The following EXT1 variants were observed in gnomAD, a reference collection of about 807,000 sequenced individuals.
The protein encoded by EXT1 is exostosin glycosyltransferase 1.
Under a neutral mutation model 82.5 loss-of-function variants are expected in EXT1, and 20 were observed. The observed-to-expected ratio is 0.24, with a 90% CI of 0.17 to 0.35. The LOEUF is 0.35. Ranked by LOEUF, EXT1 falls within the 10% of genes least tolerant of loss-of-function variation. The probability of loss-of-function intolerance (pLI) is 1.00; values close to 1 mark genes in which losing one functional copy is unlikely to be tolerated. For synonymous variants in EXT1, 348 were observed against 350.8 expected, an observed-to-expected ratio of 0.99 and a Z score of 0.09; for missense variants, 757 against 936.5, an observed-to-expected ratio of 0.81 and a Z score of 2.50.
intron 1 of EXT1, among the ~76,000 whole-genome samples, chr8:117,852,366 G>C (rs1812470786): frequency 6.6e-6 from 1 of 152,194 alleles, no homozygotes; most frequent in South Asian, 2.1e-4. Context: ...CATGGGGAGA[G>C]AGCTTTTATG....
intron 8 of EXT1, among the ~76,000 whole-genome samples, chr8:117,809,804 G>A (rs1823294110): frequency 6.6e-6 from 1 of 152,040 alleles, no homozygotes; most frequent in South Asian, 2.1e-4. Context: ...TTCACTAGTG[G>A]TCAATACTAA....
At chr8:117,926,217 C>G (rs1261451884) in intron 1 of EXT1, among the ~76,000 whole-genome samples, 1 of 152,188 alleles carries the variant, frequency 6.6e-6, no homozygotes, top group African/African-American at 2.4e-5. Flanking sequence ...TTCTCTAGAT[C>G]ATTTGAGTCA....
chr8:118,028,471 C>G (rs1004614140), intron 1 of EXT1, among the ~76,000 whole-genome samples: 2 of 151,912 alleles, frequency 1.3e-5, no homozygotes, highest in African/African-American at 4.8e-5. Flanking sequence ...TGTCTGATAG[C>G]CTGGTAGTTT....
intron 1 of EXT1, among the ~76,000 whole-genome samples, chr8:118,103,532 T>C (rs767973210): frequency 6.6e-6 from 1 of 152,164 alleles, no homozygotes; most frequent in African/African-American, 2.4e-5. Context: ...GTGTGGTATG[T>C]TCCAGAAACA....
chr8:117,963,337 C>A (rs1478468823), intron 1 of EXT1, among the ~76,000 whole-genome samples: 1 of 152,124 alleles, frequency 6.6e-6, no homozygotes, highest in Non-Finnish European at 1.5e-5. Flanking sequence ...GGTGGTTCTC[C>A]TGTCCAGCCA....
intron 1 of EXT1, among the ~76,000 whole-genome samples, chr8:117,995,817 C>A (rs1368010876): frequency 6.6e-6 from 1 of 152,212 alleles, no homozygotes; most frequent in Admixed American, 6.5e-5. Flanking sequence ...GCCTTCCCAA[C>A]CACCTCCTTC....
chr8:117,844,144 T>TATTATTATTATTATC (rs1224048495), intron 1 of EXT1, among the ~76,000 whole-genome samples: 1 of 136,602 alleles, frequency 7.3e-6, no homozygotes, highest in Non-Finnish European at 1.7e-5. Context: ...TTACTATTAT[T>TATTATTATTATTATC]ATTATTATTA....
chr8:117,825,543 C>A (rs1811996447), intron 4 of EXT1, among the ~76,000 whole-genome samples: 1 of 152,116 alleles, frequency 6.6e-6, no homozygotes, highest in Non-Finnish European at 1.5e-5. Context: ...TCGATAAGGA[C>A]AATATTTCTA....
chr8:117,922,480 A>C (rs1416418178), intron 1 of EXT1, among the ~76,000 whole-genome samples: 1 of 152,160 alleles, frequency 6.6e-6, no homozygotes, highest in East Asian at 1.9e-4. Context: ...AAACTTTATA[A>C]AGAAGTTTCC....
chr8:117,882,955 C>A (rs568722452), intron 1 of EXT1, among the ~76,000 whole-genome samples: 1 of 136,294 alleles, frequency 7.3e-6, no homozygotes, highest in African/African-American at 2.8e-5. Flanking sequence ...CCGGCCTGGG[C>A]GACAAAATGA....
chr8:118,021,745 A>G (rs1816106225), intron 1 of EXT1, among the ~76,000 whole-genome samples: 1 of 151,872 alleles, frequency 6.6e-6, no homozygotes, highest in Non-Finnish European at 1.5e-5. Context: ...ATTTTTCTTG[A>G]ACACACATCC....
At chr8:117,819,254 A>G in intron 6 of EXT1, among the ~76,000 whole-genome samples, 1 of 152,202 alleles carries the variant, frequency 6.6e-6, no homozygotes, top group East Asian at 1.9e-4. Context: ...AGTTGCTATG[A>G]AAAGAAAAGT....
chr8:117,804,962 GA>G, intron 9 of EXT1, 69 bp from the exon 10 acceptor site: 4 of 1,432,214 alleles, frequency 2.8e-6, no homozygotes, highest in Non-Finnish European at 2.0e-6. Context: ...TTCTGAGACA[GA>G]AAACACATAC....
intron 1 of EXT1, among the ~76,000 whole-genome samples, chr8:117,915,846 ACT>A (rs1274037275): frequency 1.3e-5 from 2 of 149,192 alleles, no homozygotes; most frequent in African/African-American, 5.0e-5. Context: ...ACAGAGCGAG[ACT>A]CTGTCTCAAA....
intron 1 of EXT1, among the ~76,000 whole-genome samples, chr8:117,901,580 A>G (rs7012890): frequency 0.26 from 38,870 of 152,118 alleles, 5,723 homozygotes; most frequent in East Asian, 0.37. Flanking sequence ...ATAATAACTT[A>G]GCTTACTGTA....
intron 1 of EXT1, among the ~76,000 whole-genome samples, chr8:118,096,722 A>G (rs1183616249): frequency 6.6e-6 from 1 of 151,340 alleles, no homozygotes; most frequent in Non-Finnish European, 1.5e-5. Context: ...GAAGGAAAGG[A>G]AGGAAGAAAG....
Position 117,812,864 on chromosome 8 carries a change from G to A in EXT1, c.1722+8C>T, listed in dbSNP as rs769985137. The A allele has an allele frequency of 6.2e-7, 1 of 1,613,632 alleles. No individual in the cohort carries two copies. Among genetic ancestry groups the A allele is most frequent in the Non-Finnish European group, 8.5e-7 (1 of 1,179,752 alleles). ...CCCACCTGCTGCTCCTCAGGCATGG[G>A]TTCTTACCTCTGTTGTTGAAAGCAC... On this transcript the variant is annotated splice_region_variant and intron_variant, in intron 8 of 10. Transcript: ENST00000378204.
At chr8:117,923,911 G>T (rs1404486286) in intron 1 of EXT1, among the ~76,000 whole-genome samples, 2 of 152,140 alleles carry the variant, frequency 1.3e-5, no homozygotes, top group African/African-American at 4.8e-5. Context: ...AGTGTTATGG[G>T]TCTAGTAAGA....
intron 1 of EXT1, among the ~76,000 whole-genome samples, chr8:117,946,102 T>C (rs1814381858): frequency 6.6e-6 from 1 of 152,198 alleles, no homozygotes; most frequent in African/African-American, 2.4e-5. Context: ...TTTTGCCATG[T>C]TGGCCAGGCT....
Sources: gnomAD v4.1 joint callset for allele counts (sites outside exome capture counted in the v4.1 genomes callset) on GRCh38, gnomAD v4.1.1 for gene constraint, MANE v1.5 for transcripts, NCBI Gene and HGNC (gene_info 2026-07-23, HGNC 2026-07-21) for gene names.